The following SNTG1 variants were observed in gnomAD, a reference collection of about 807,000 sequenced individuals.
SNTG1 encodes the protein gamma-1-syntrophin.
A neutral mutation model predicts 74.7 loss-of-function variants in SNTG1; 39 were observed. The ratio of observed to expected loss-of-function variants is 0.52; its 90% CI spans 0.40 to 0.68. The LOEUF (loss-of-function observed/expected upper bound fraction) is 0.68. Among genes scored for constraint, SNTG1 ranks in the 30% least tolerant of loss-of-function variants. The pLI is 0.00. For missense variants in SNTG1, 685 were observed against 609.5 expected, an observed-to-expected ratio of 1.12 and a Z score of -1.30; for synonymous variants, 254 against 217.1, an observed-to-expected ratio of 1.17 and a Z score of -1.49.
At chr8:50,527,132 T>C (rs1049634164) in intron 9 of SNTG1, among the ~76,000 whole-genome samples, 1 of 152,208 alleles carries the variant, frequency 6.6e-6, no homozygotes, top group Non-Finnish European at 1.5e-5. Context: ...ATTGGCCATG[T>C]GCATATCTTC....
intron 12 of SNTG1, among the ~76,000 whole-genome samples, chr8:50,553,663 T>C (rs1330411370): frequency 6.6e-6 from 1 of 152,170 alleles, no homozygotes; most frequent in African/African-American, 2.4e-5. Flanking sequence ...AGAAATGGCT[T>C]CTCTGCATTT....
At chr8:50,678,973 G>A (rs930113559) in intron 15 of SNTG1, among the ~76,000 whole-genome samples, 3 of 151,966 alleles carry the variant, frequency 2.0e-5, no homozygotes, top group Non-Finnish European at 4.4e-5. Flanking sequence ...TTATCATTGT[G>A]TCTTGGAGGT....
intron 2 of SNTG1, among the ~76,000 whole-genome samples, chr8:50,304,618 C>T (rs1170047395): frequency 6.6e-6 from 1 of 151,982 alleles, no homozygotes; most frequent in African/African-American, 2.4e-5. Flanking sequence ...TGACAAAATA[C>T]ATTACAGAAC....
chr8:50,764,293 G>C (rs193227148), intron 18 of SNTG1, among the ~76,000 whole-genome samples: 2 of 151,806 alleles, frequency 1.3e-5, no homozygotes, highest in Non-Finnish European at 2.9e-5. Context: ...AAACTCTAAA[G>C]CTTCCTCACA....
At chr8:50,751,976 A>G in intron 17 of SNTG1, 25 bp from the exon 18 acceptor site, 2 of 1,356,370 alleles carry the variant, frequency 1.5e-6, no homozygotes, top group Admixed American at 2.7e-5. Flanking sequence ...CCACCGACTT[A>G]CATTGTTTTT....
intron 8 of SNTG1, among the ~76,000 whole-genome samples, chr8:50,471,786 A>T (rs567233049): frequency 1.3e-5 from 2 of 152,358 alleles, no homozygotes; most frequent in Admixed American, 1.3e-4. Flanking sequence ...AAAAGAACAC[A>T]GACTACATGA....
intron 12 of SNTG1, among the ~76,000 whole-genome samples, chr8:50,569,498 T>C (rs1459639898): frequency 1.3e-5 from 2 of 151,020 alleles, no homozygotes; most frequent in African/African-American, 4.9e-5. Flanking sequence ...ATAAAAGCGT[T>C]GGTTTTGAAA....
chr8:50,339,288 G>C (rs185864308), intron 2 of SNTG1, among the ~76,000 whole-genome samples: 1 of 152,094 alleles, frequency 6.6e-6, no homozygotes, highest in Admixed American at 6.5e-5. Context: ...CTCCTTGCTA[G>C]AGCTATAAAA....
intron 2 of SNTG1, among the ~76,000 whole-genome samples, chr8:50,210,290 T>C (rs746156852): frequency 6.6e-6 from 1 of 152,190 alleles, no homozygotes; most frequent in Non-Finnish European, 1.5e-5. Flanking sequence ...TGGAACCAAG[T>C]TGGAAAACAC....
chr8:50,188,392 C>A (rs910357334), intron 2 of SNTG1, among the ~76,000 whole-genome samples: 2 of 152,084 alleles, frequency 1.3e-5, no homozygotes, highest in African/African-American at 2.4e-5. Context: ...TTTTCCTTTG[C>A]GATTGTCTTC....
chr8:50,274,832 C>T (rs2088002902), intron 2 of SNTG1, among the ~76,000 whole-genome samples: 1 of 152,110 alleles, frequency 6.6e-6, no homozygotes, highest in Admixed American at 6.6e-5. Context: ...CTTTAGCTTG[C>T]TGATGTGATT....
At chr8:50,401,636 T>C (rs1340082045) in intron 3 of SNTG1, among the ~76,000 whole-genome samples, 1 of 152,108 alleles carries the variant, frequency 6.6e-6, no homozygotes, top group Non-Finnish European at 1.5e-5. Flanking sequence ...AGTCTGTGCA[T>C]GTGTGTATGC....
intron 2 of SNTG1, among the ~76,000 whole-genome samples, chr8:50,336,375 T>C (rs544704672): frequency 5.3e-5 from 8 of 152,332 alleles, no homozygotes; most frequent in Admixed American, 3.3e-4. Context: ...TGTTTCTTCT[T>C]TCCATAATGC....
At chr8:50,117,848 C>T (rs1482922112) in intron 1 of SNTG1, among the ~76,000 whole-genome samples, 1 of 152,028 alleles carries the variant, frequency 6.6e-6, no homozygotes, top group Non-Finnish European at 1.5e-5. Flanking sequence ...AATATTAGGT[C>T]TGAAGTTAGG....
At chr8:50,282,525 T>G (rs1038604921) in intron 2 of SNTG1, among the ~76,000 whole-genome samples, 1 of 152,174 alleles carries the variant, frequency 6.6e-6, no homozygotes. Context: ...CTAGACCATG[T>G]TTTTCCCCCA....
chr8:50,712,894 A>T lies in SNTG1; in HGVS notation c.1284+3916A>T, dbSNP rs151162333. Among the ~76,000 whole-genome samples, 305 of 152,294 alleles carry T rather than the reference A, an allele frequency of 2.0e-3. 4 individuals carry two copies. Among genetic ancestry groups the T allele is most frequent in the African/African-American group, 7.2e-3 (298 of 41,554 alleles). On this transcript the variant is annotated intron_variant, in intron 17 of 18. Coordinates refer to ENST00000642720, the MANE Select transcript of SNTG1 (RefSeq NM_018967.5). ...TATATGTGCCACATTTTCTTGATCC[A>T]GTCTATCATTGATGGGCGTCTAGTT...
At chr8:50,084,658 T>C (rs559221409) in intron 1 of SNTG1, among the ~76,000 whole-genome samples, 1 of 152,328 alleles carries the variant, frequency 6.6e-6, no homozygotes, top group East Asian at 1.9e-4. Flanking sequence ...ATGTTACATG[T>C]GCTATGGCTT....
intron 13 of SNTG1, among the ~76,000 whole-genome samples, chr8:50,608,090 A>G (rs1254468756): frequency 6.6e-6 from 1 of 151,668 alleles, no homozygotes; most frequent in Non-Finnish European, 1.5e-5. Flanking sequence ...GTGATTACAA[A>G]TCTTTCAATT....
At chr8:49,910,813 T>C (rs927414923), upstream of SNTG1, 1 of 152,264 alleles carries the variant, frequency 6.6e-6, no homozygotes, top group Non-Finnish European at 1.5e-5. Flanking sequence ...AAGGCAGAGA[T>C]TGTCGAGCCC....
Sources: gnomAD v4.1 joint callset for allele counts (sites outside exome capture counted in the v4.1 genomes callset) on GRCh38, gnomAD v4.1.1 for gene constraint, MANE v1.5 for transcripts, NCBI Gene and HGNC (gene_info 2026-07-23, HGNC 2026-07-21) for gene names.